DISC1: variants seen among roughly 807,000 people sequenced by gnomAD.
DISC1 encodes the protein DISC1 scaffold protein, also known as disrupted in schizophrenia 1 protein.
A neutral mutation model predicts 84.5 loss-of-function variants in DISC1; 57 were observed. That is an observed-to-expected ratio of 0.67 (90% CI 0.55 to 0.84). The LOEUF is 0.84. Among genes scored for constraint, DISC1 ranks in the 40% least tolerant of loss-of-function variants. The pLI is 0.00. For missense variants in DISC1, 1,000 were observed against 1,057.8 expected, an observed-to-expected ratio of 0.95 and a Z score of 0.76; for synonymous variants, 411 against 415.2, an observed-to-expected ratio of 0.99 and a Z score of 0.12.
At chr1:231,750,106 C>T (rs1253817777) in intron 4 of DISC1, 30 bp downstream of exon 4, 5 of 1,602,556 alleles carry the variant, frequency 3.1e-6, no homozygotes. Context: ...ACCATTTTCC[C>T]CTCATGTTTC....
intron 10 of DISC1, among the ~76,000 whole-genome samples, chr1:231,996,199 T>C (rs374300943): frequency 8.8e-4 from 134 of 152,334 alleles, no homozygotes; most frequent in African/African-American, 2.9e-3. Flanking sequence ...TTTGTTTTTT[T>C]CTTGTAAATT....
chr1:231,919,243 A>G (rs138460550), intron 9 of DISC1, among the ~76,000 whole-genome samples: 201 of 152,332 alleles, frequency 1.3e-3, no homozygotes, highest in African/African-American at 4.6e-3. Context: ...TTGTTCTTAA[A>G]ACAGCTTTGA....
chr1:231,919,522 G>A lies in DISC1; in HGVS notation c.1982-39306G>A, dbSNP rs74630409. On this transcript the variant is annotated intron_variant, in intron 9 of 12. Transcript: ENST00000439617. ...GTCTAAGTGTATGTCTTTCTGGCCC[G>A]GTCAGGGAACTTTGCTGTGGGGATT... 7.8e-3 allele frequency among the ~76,000 whole-genome samples: 1,187 copies of A among 152,236 alleles called. 11 individuals are homozygous for A. Among genetic ancestry groups the A allele is most frequent in the Middle Eastern group, 0.024 (7 of 294 alleles).
intron 9 of DISC1, among the ~76,000 whole-genome samples, chr1:231,911,672 G>T (rs1286699216): frequency 6.6e-6 from 1 of 152,140 alleles, no homozygotes; most frequent in African/African-American, 2.4e-5. Flanking sequence ...TCTTCTTGAG[G>T]ATTATCTTTG....
chr1:231,819,216 A>G (rs2081309242), intron 9 of DISC1: 1 of 822,308 alleles, frequency 1.2e-6, no homozygotes, highest in Non-Finnish European at 1.5e-6. Flanking sequence ...AATGAAAGAA[A>G]TATATATATG....
At chr1:231,941,379 G>C (rs942189915) in intron 9 of DISC1, among the ~76,000 whole-genome samples, 9 of 152,044 alleles carry the variant, frequency 5.9e-5, no homozygotes, top group African/African-American at 1.7e-4. Context: ...TGAGATTCCA[G>C]GAGCAAGGCC....
chr1:231,835,856 G>A (rs183501676), intron 9 of DISC1, among the ~76,000 whole-genome samples: 79 of 152,290 alleles, frequency 5.2e-4, no homozygotes, highest in Admixed American at 1.9e-3. Flanking sequence ...GCGTAGAATG[G>A]ATTTTAAACT....
intron 3 of DISC1, among the ~76,000 whole-genome samples, chr1:231,719,911 G>T (rs2069393622): frequency 6.6e-6 from 1 of 152,194 alleles, no homozygotes. Context: ...GTATTGGGTG[G>T]AATGACCTTT....
chr1:231,963,253 ATT>A (rs5781681), intron 10 of DISC1, among the ~76,000 whole-genome samples: 1 of 148,476 alleles, frequency 6.7e-6, no homozygotes, highest in African/African-American at 2.4e-5. Context: ...ATGCCATTGC[ATT>A]TTTTTTTTTC....
At chr1:231,998,364 C>G (rs970406883) in intron 10 of DISC1, among the ~76,000 whole-genome samples, 46 of 151,792 alleles carry the variant, frequency 3.0e-4, no homozygotes, top group African/African-American at 1.1e-3. Context: ...TGAGAACCGC[C>G]CAGAAAAAGG....
At chr1:231,903,403 A>G (rs1388354025) in intron 9 of DISC1, among the ~76,000 whole-genome samples, 1 of 152,244 alleles carries the variant, frequency 6.6e-6, no homozygotes, top group Non-Finnish European at 1.5e-5. Flanking sequence ...CAAAGAGCCT[A>G]TAAGACTGTA....
At chr1:231,700,232 T>C (rs2066243318) in intron 2 of DISC1, among the ~76,000 whole-genome samples, 1 of 152,194 alleles carries the variant, frequency 6.6e-6, no homozygotes, top group Non-Finnish European at 1.5e-5. Flanking sequence ...GGGTCACTTA[T>C]ATGCAGATTC....
At chr1:231,837,271 A>G (rs1486507825) in intron 9 of DISC1, among the ~76,000 whole-genome samples, 3 of 152,220 alleles carry the variant, frequency 2.0e-5, no homozygotes, top group Non-Finnish European at 2.9e-5. Flanking sequence ...GCCAGGCTCC[A>G]TTAGGTATAT....
In DISC1 at chr1:231,836,666, A is replaced by G. The variant is rs539234205; in HGVS notation, c.1981+18149A>G. Reference sequence around the variant, plus strand: ...TTTGGCTGCTCCCATTGGCTTTCACATTCTCCTCTCCACCTTTGGACTATC... The same window carrying G: ...TTTGGCTGCTCCCATTGGCTTTCACGTTCTCCTCTCCACCTTTGGACTATC... On this transcript the variant is annotated intron_variant, in intron 9 of 12. Coordinates refer to ENST00000439617, the MANE Select transcript of DISC1 (RefSeq NM_018662.3). Among the ~76,000 whole-genome samples the G allele has an allele frequency of 1.4e-4, 21 of 152,100 alleles. No individual in the cohort carries two copies. In the South Asian group the frequency reaches 3.1e-3, roughly 23 times the overall value.
intron 9 of DISC1, chr1:231,943,852 T>A (rs1431792883): frequency 6.6e-6 from 1 of 152,100 alleles, no homozygotes; most frequent in East Asian, 1.9e-4. Flanking sequence ...GCTTCCTGAG[T>A]AGCTGGGACT....
chr1:231,972,084 C>G (rs190971411), intron 10 of DISC1, among the ~76,000 whole-genome samples: 4 of 152,274 alleles, frequency 2.6e-5, no homozygotes, highest in South Asian at 4.1e-4. Context: ...TTACGCTGCC[C>G]GGTCTCACTT....
At chr1:231,808,125 C>T (rs1558580771) in intron 8 of DISC1, among the ~76,000 whole-genome samples, 1 of 152,230 alleles carries the variant, frequency 6.6e-6, no homozygotes, top group Non-Finnish European at 1.5e-5. Flanking sequence ...ATGTTAGGAT[C>T]ATCTGGGGAA....
At chr1:232,026,762 C>CTTTTTT (rs545455868) in intron 12 of DISC1, among the ~76,000 whole-genome samples, 116 of 110,856 alleles carry the variant, frequency 1.0e-3, no homozygotes, top group Non-Finnish European at 1.7e-3. Context: ...TTTCTTTTTT[C>CTTTTTT]TTTTTTTTTT....
In DISC1 at chr1:232,037,536, G is replaced by T. The variant is rs1468490369; in HGVS notation, c.*705G>T. ...CAGGACATTCTGAAATTTACCCACA[G>T]TGAGGCTGTGGATGGATCAGGGGAC... On this transcript the variant is annotated 3_prime_UTR_variant, in exon 13 of 13. Coordinates refer to ENST00000439617, the MANE Select transcript of DISC1 (RefSeq NM_018662.3). 1.3e-5 allele frequency: 2 copies of T among 152,234 alleles called. No individual in the cohort carries two copies. The highest frequency in any genetic ancestry group is 2.9e-5 in the Non-Finnish European group (2 of 68,054). The allele number at this position is 152,234 out of a possible 1,614,324, so 9.4% of individuals were successfully genotyped here.
Sources: allele counts gnomAD v4.1 joint callset (sites outside exome capture counted in the v4.1 genomes callset), GRCh38; gene constraint gnomAD v4.1.1; transcripts MANE v1.5; gene names NCBI Gene and HGNC (gene_info 2026-07-23, HGNC 2026-07-21).